The following LONP2 variants were observed in gnomAD, a reference collection of about 807,000 sequenced individuals.
The protein encoded by LONP2 is lon peptidase 2, peroxisomal, also known as lon protease homolog 2, peroxisomal.
A neutral mutation model predicts 85.6 loss-of-function variants in LONP2; 60 were observed. That is an observed-to-expected ratio of 0.70 (90% confidence interval 0.57 to 0.87). LONP2 has a LOEUF of 0.87. Among genes scored for constraint, LONP2 ranks in the 40% least tolerant of loss-of-function variants. The probability of loss-of-function intolerance (pLI) is 0.00; values close to 1 mark genes in which losing one functional copy is unlikely to be tolerated. For missense variants in LONP2, 860 were observed against 1,063.5 expected, an observed-to-expected ratio of 0.81 and a Z score of 2.66; for synonymous variants, 395 against 389.7, an observed-to-expected ratio of 1.01 and a Z score of -0.16.
chr16:48,314,839 T>C lies in LONP2; in HGVS notation c.1795+11534T>C, dbSNP rs79498283. Reference sequence around the variant, plus strand: ...GTTGGTAGTGTATGACAATGCAATATTGGCCTCCTGTTCAACAAACTTGCC... The same window carrying C: ...GTTGGTAGTGTATGACAATGCAATACTGGCCTCCTGTTCAACAAACTTGCC... On this transcript the variant is annotated intron_variant, in intron 11 of 14. Coordinates refer to ENST00000285737, the MANE Select transcript of LONP2 (RefSeq NM_031490.5). Among the ~76,000 whole-genome samples the C allele has an allele frequency of 6.8e-3, 1,038 of 152,344 alleles. 11 individuals are homozygous for C. Among genetic ancestry groups the C allele is most frequent in the African/African-American group, 0.023 (949 of 41,588 alleles).
chr16:48,272,826 A>C (rs1386226098), intron 7 of LONP2, among the ~76,000 whole-genome samples: 1 of 152,182 alleles, frequency 6.6e-6, no homozygotes, highest in Non-Finnish European at 1.5e-5. Flanking sequence ...AGCCTGGTGA[A>C]AAATTTTATT....
intron 1 of LONP2, among the ~76,000 whole-genome samples, chr16:48,249,863 C>A (rs764898846): frequency 5.9e-5 from 9 of 152,140 alleles, no homozygotes; most frequent in South Asian, 2.1e-4. Context: ...GAACATCTTC[C>A]TTTCACAGCA....
intron 8 of LONP2, among the ~76,000 whole-genome samples, chr16:48,281,447 T>C (rs1347376050): frequency 6.6e-6 from 1 of 152,180 alleles, no homozygotes; most frequent in African/African-American, 2.4e-5. Flanking sequence ...CAGTAGAATT[T>C]GGGCAAGTCT....
chr16:48,351,822 A>T lies in LONP2; in HGVS notation c.*20A>T, dbSNP rs1158890059. ...CTGTAGGTCCAAATCTCAATTTTTT[A>T]GAATTTTAAGTTATGAAGTGCTCAA... is the stretch of plus-strand genomic sequence containing the variant. On this transcript the variant is annotated 3_prime_UTR_variant, in exon 15 of 15. Coordinates refer to ENST00000285737, the MANE Select transcript of LONP2 (RefSeq NM_031490.5). 1 of 1,602,220 alleles carries T rather than the reference A, an allele frequency of 6.2e-7. No individual in the cohort carries two copies. Among genetic ancestry groups the T allele is most frequent in the Non-Finnish European group, 8.5e-7 (1 of 1,170,154 alleles).
chr16:48,247,216 T>C (rs1187183441), intron 1 of LONP2: 1 of 146,892 alleles, frequency 6.8e-6, no homozygotes, highest in Non-Finnish European at 1.5e-5. Context: ...AACACTCTAC[T>C]TAAAAAAAAA....
rs748382319 is a variant in LONP2 at position 48,262,761 on chromosome 16, G to A, written c.888-17G>A. The A allele has an allele frequency of 5.3e-6, 8 of 1,522,286 alleles. No individual in the cohort carries two copies. Among genetic ancestry groups the A allele is most frequent in the Non-Finnish European group, 7.2e-6 (8 of 1,103,828 alleles). The allele number at this position is 1,522,286 out of a possible 1,614,324, so 94.3% of individuals were successfully genotyped here. On this transcript the variant is annotated splice_polypyrimidine_tract_variant and intron_variant, in intron 5 of 14. Coordinates refer to ENST00000285737, the MANE Select transcript of LONP2 (RefSeq NM_031490.5). Reference sequence around the variant, plus strand: ...CTGTGTTCTTGAACATGTTTGCTGTGTATTCTTTCTCCACAGACTCAAAAA... The same window carrying A: ...CTGTGTTCTTGAACATGTTTGCTGTATATTCTTTCTCCACAGACTCAAAAA...
chr16:48,289,225 C>T (rs186732498), intron 8 of LONP2, among the ~76,000 whole-genome samples: 9 of 152,246 alleles, frequency 5.9e-5, no homozygotes, highest in East Asian at 1.9e-4. Context: ...TGAGGACGCG[C>T]GCCCATGACA....
At chr16:48,257,798 T>TA in intron 3 of LONP2, among the ~76,000 whole-genome samples, 1 of 152,352 alleles carries the variant, frequency 6.6e-6, no homozygotes, top group African/African-American at 2.4e-5. Context: ...GTAGAAGAGT[T>TA]ACAGGACTGC....
In LONP2 at chr16:48,350,302, C is replaced by T. The variant is rs1228526598; in HGVS notation, c.2338-1279C>T. Among the ~76,000 whole-genome samples, 7 of 146,136 alleles carry T rather than the reference C, an allele frequency of 4.8e-5. No individual in the cohort carries two copies. The East Asian group carries it at 5.8e-4, about 12-fold the overall frequency. On this transcript the variant is annotated intron_variant, in intron 14 of 14. Transcript: ENST00000285737. Reference sequence around the variant, plus strand: ...ACTCAGGAGGCTGAGGCAGGAGAATCGCTTGAACCTGGGAGGCAGAAAGTT... The same window carrying T: ...ACTCAGGAGGCTGAGGCAGGAGAATTGCTTGAACCTGGGAGGCAGAAAGTT...
At chr16:48,299,946 C>T (rs766449417) in intron 10 of LONP2, among the ~76,000 whole-genome samples, 158 bp downstream of exon 10, 2 of 152,250 alleles carry the variant, frequency 1.3e-5, no homozygotes, top group Non-Finnish European at 2.9e-5. Context: ...CATCCCATAG[C>T]ATCCATTTCT....
At chr16:48,284,564 T>A (rs545266505) in intron 8 of LONP2, among the ~76,000 whole-genome samples, 40 of 152,310 alleles carry the variant, frequency 2.6e-4, no homozygotes, top group South Asian at 8.3e-4. Context: ...AAGACTCAGG[T>A]GATTAGCATT....
chr16:48,338,880 C>G (rs1959733678), intron 12 of LONP2, among the ~76,000 whole-genome samples: 1 of 152,008 alleles, frequency 6.6e-6, no homozygotes, highest in African/African-American at 2.4e-5. Context: ...TGCATTCCAG[C>G]CTGGGTGACA....
At chr16:48,333,154 G>C (rs982801857) in intron 11 of LONP2, among the ~76,000 whole-genome samples, 3 of 151,734 alleles carry the variant, frequency 2.0e-5, no homozygotes, top group Non-Finnish European at 4.4e-5. Flanking sequence ...CCCCATTTTG[G>C]GTTTCTGGCC....
At chr16:48,252,023 G>C in intron 1 of LONP2, 108 bp from the exon 2 acceptor site, 1 of 797,514 alleles carries the variant, frequency 1.3e-6, no homozygotes, top group South Asian at 3.1e-5. Flanking sequence ...TTACACTTCA[G>C]ATGTCTTTTG....
At chr16:48,252,062 C>G in intron 1 of LONP2, 69 bp from the exon 2 acceptor site, 1 of 1,197,790 alleles carries the variant, frequency 8.3e-7, no homozygotes, top group East Asian at 2.6e-5. Context: ...AAAGCCAACA[C>G]TTTCTGAAGT....
At chr16:48,332,434 A>G (rs1357695822) in intron 11 of LONP2, among the ~76,000 whole-genome samples, 1 of 151,858 alleles carries the variant, frequency 6.6e-6, no homozygotes, top group Non-Finnish European at 1.5e-5. Flanking sequence ...ACATTAGGCC[A>G]GGCTCAGTGG....
intron 11 of LONP2, among the ~76,000 whole-genome samples, chr16:48,316,047 A>AG (rs1973135234): frequency 7.0e-6 from 1 of 143,412 alleles, no homozygotes. Context: ...TCACTCTGTC[A>AG]CCCAGGCTAA....
At chr16:48,319,120 C>G (rs1019322062) in intron 11 of LONP2, among the ~76,000 whole-genome samples, 7 of 152,068 alleles carry the variant, frequency 4.6e-5, no homozygotes, top group African/African-American at 1.7e-4. Flanking sequence ...TGACTAATGC[C>G]TGTAATCCTG....
intron 12 of LONP2, among the ~76,000 whole-genome samples, chr16:48,341,385 G>C (rs532862041): frequency 6.6e-6 from 1 of 152,318 alleles, no homozygotes; most frequent in African/African-American, 2.4e-5. Context: ...TTGGCAGAAA[G>C]TGAAGGGGGA....
Sources: allele counts gnomAD v4.1 joint callset (sites outside exome capture counted in the v4.1 genomes callset), GRCh38; gene constraint gnomAD v4.1.1; transcripts MANE v1.5; gene names NCBI Gene and HGNC (gene_info 2026-07-23, HGNC 2026-07-21).